STT3B: variants seen among roughly 807,000 people sequenced by gnomAD.
The protein encoded by STT3B is STT3 oligosaccharyltransferase complex catalytic subunit B, also known as dolichyl-diphosphooligosaccharide--protein glycosyltransferase subunit STT3B.
Under a neutral mutation model 96.8 loss-of-function variants are expected in STT3B, and 29 were observed. The observed-to-expected ratio is 0.30, with a 90% CI of 0.22 to 0.41. STT3B has a LOEUF of 0.41. Among genes scored for constraint, STT3B ranks in the 10% least tolerant of loss-of-function variants. The pLI is 1.00. For missense variants in STT3B, 640 were observed against 1,022.3 expected, an observed-to-expected ratio of 0.63 and a Z score of 5.10; for synonymous variants, 367 against 360.0, an observed-to-expected ratio of 1.02 and a Z score of -0.22.
intron 3 of STT3B, among the ~76,000 whole-genome samples, chr3:31,591,617 A>G (rs1202742723): frequency 1.3e-5 from 2 of 152,142 alleles, no homozygotes; most frequent in Non-Finnish European, 2.9e-5. Flanking sequence ...CTGGTAAAAT[A>G]TAGCAGCTTT....
At chr3:31,631,905 G>T (rs758366806) in intron 14 of STT3B, among the ~76,000 whole-genome samples, 1 of 151,922 alleles carries the variant, frequency 6.6e-6, no homozygotes, top group Non-Finnish European at 1.5e-5. Context: ...GCCCATACTG[G>T]AGTACAGTGG....
intron 1 of STT3B, 76 bp from the exon 2 acceptor site, chr3:31,576,320 C>A: frequency 1.3e-6 from 1 of 751,434 alleles, no homozygotes; most frequent in Non-Finnish European, 2.1e-6. Flanking sequence ...TTTATGTAGC[C>A]ACAGAGTTTA....
chr3:31,538,090 A>C (rs1181240665), intron 1 of STT3B, among the ~76,000 whole-genome samples: 4 of 152,150 alleles, frequency 2.6e-5, no homozygotes, highest in Non-Finnish European at 4.4e-5. Flanking sequence ...TCAAATGCAC[A>C]AGAAAGTTGA....
intron 1 of STT3B, among the ~76,000 whole-genome samples, chr3:31,541,918 C>T (rs560074293): frequency 1.3e-3 from 196 of 152,184 alleles, no homozygotes; most frequent in Admixed American, 3.5e-3. Flanking sequence ...ATTCACCTGA[C>T]GGGGTTGCCT....
chr3:31,616,823 T>C (rs1159127738), intron 6 of STT3B, 106 bp from the exon 7 acceptor site: 1 of 894,694 alleles, frequency 1.1e-6, no homozygotes, highest in East Asian at 2.6e-5. Context: ...TAAGTAGTCT[T>C]TGATATGAAT....
intron 1 of STT3B, among the ~76,000 whole-genome samples, chr3:31,559,859 CTGGGTGTTCCAGTGT>C (rs1559365560): frequency 6.6e-6 from 1 of 152,006 alleles, no homozygotes; most frequent in African/African-American, 2.4e-5. Flanking sequence ...CTTTATATAT[CTGGGTGTTCCAGTGT>C]TGGGTGCGTA....
chr3:31,578,485 G>A (rs1320582944), intron 2 of STT3B, among the ~76,000 whole-genome samples: 1 of 151,820 alleles, frequency 6.6e-6, no homozygotes, highest in South Asian at 2.1e-4. Context: ...GGCTGTTTTT[G>A]TGTGTGTCAG....
At chr3:31,560,634 G>A (rs186512597) in intron 1 of STT3B, among the ~76,000 whole-genome samples, 1 of 151,888 alleles carries the variant, frequency 6.6e-6, no homozygotes, top group South Asian at 2.1e-4. Context: ...TCTTATGGGG[G>A]TTTCTTTATA....
chr3:31,578,351 T>C (rs1446718506), intron 2 of STT3B, among the ~76,000 whole-genome samples: 2 of 152,122 alleles, frequency 1.3e-5, no homozygotes, highest in African/African-American at 4.8e-5. Flanking sequence ...CTACTTTGAA[T>C]TTCCTCTTCA....
chr3:31,574,715 T>C (rs900222655), intron 1 of STT3B, among the ~76,000 whole-genome samples: 1 of 152,144 alleles, frequency 6.6e-6, no homozygotes, highest in Admixed American at 6.6e-5. Flanking sequence ...AATTTGGATA[T>C]ATTACTCCTT....
intron 1 of STT3B, 182 bp downstream of exon 1, chr3:31,533,494 C>T (rs921595231): frequency 1.8e-5 from 13 of 705,976 alleles, no homozygotes; most frequent in Admixed American, 4.7e-5. Context: ...GCGAAGTTTG[C>T]CCCGTGCAGC....
At chr3:31,551,548 A>G (rs765923320) in intron 1 of STT3B, among the ~76,000 whole-genome samples, 18 of 152,156 alleles carry the variant, frequency 1.2e-4, no homozygotes, top group Non-Finnish European at 2.1e-4. Flanking sequence ...TTACGTTAGC[A>G]TCCATAATTG....
intron 5 of STT3B, among the ~76,000 whole-genome samples, chr3:31,612,166 A>C (rs1367709327): frequency 2.6e-5 from 4 of 152,194 alleles, no homozygotes; most frequent in African/African-American, 9.7e-5. Context: ...GTATAATGCA[A>C]ATATTCCAAA....
intron 1 of STT3B, among the ~76,000 whole-genome samples, chr3:31,566,827 T>C (rs1698019286): frequency 6.6e-6 from 1 of 152,300 alleles, no homozygotes; most frequent in Non-Finnish European, 1.5e-5. Context: ...TTTATTGTAT[T>C]TAAGTTCCAA....
At chr3:31,630,410 C>CACT (rs772946139) in intron 14 of STT3B, among the ~76,000 whole-genome samples, 2 of 152,106 alleles carry the variant, frequency 1.3e-5, no homozygotes, top group Non-Finnish European at 2.9e-5. Flanking sequence ...GGCCTAAGAC[C>CACT]ACTATCCTTT....
chr3:31,578,558 G>A (rs755125148), intron 2 of STT3B, among the ~76,000 whole-genome samples: 11 of 147,848 alleles, frequency 7.4e-5, no homozygotes, highest in Non-Finnish European at 6.0e-5. Context: ...AATTCACTTT[G>A]TTTTTTTTTC....
At chr3:31,538,568 T>C (rs1697156325) in intron 1 of STT3B, among the ~76,000 whole-genome samples, 1 of 152,174 alleles carries the variant, frequency 6.6e-6, no homozygotes, top group Non-Finnish European at 1.5e-5. Context: ...ATTAGAAGGC[T>C]TTTATAGGTC....
At chr3:31,578,711 G>GT (rs1698312729) in intron 2 of STT3B, among the ~76,000 whole-genome samples, 1 of 151,974 alleles carries the variant, frequency 6.6e-6, no homozygotes, top group Middle Eastern at 3.4e-3. Flanking sequence ...CATGCATGCA[G>GT]TAGGTATTGA....
intron 5 of STT3B, among the ~76,000 whole-genome samples, chr3:31,602,656 T>A (rs531108283): frequency 1.5e-5 from 2 of 137,824 alleles, no homozygotes; most frequent in Non-Finnish European, 3.0e-5. Flanking sequence ...ATTTGGTAGC[T>A]GGGATTTTTT....
Sources: gnomAD v4.1 joint callset for allele counts (sites outside exome capture counted in the v4.1 genomes callset) on GRCh38, gnomAD v4.1.1 for gene constraint, MANE v1.5 for transcripts, NCBI Gene and HGNC (gene_info 2026-07-23, HGNC 2026-07-21) for gene names.